The following LMBRD1 variants were observed in gnomAD, a reference collection of about 807,000 sequenced individuals.
The protein encoded by LMBRD1 is lysosomal cobalamin transport escort protein LMBD1.
A neutral mutation model predicts 74.8 loss-of-function variants in LMBRD1; 64 were observed. The ratio of observed to expected loss-of-function variants is 0.86; its 90% CI spans 0.70 to 1.05. LMBRD1 has a LOEUF of 1.05. Among genes scored for constraint, LMBRD1 ranks in the 50% least tolerant of loss-of-function variants. The pLI is 0.00. For synonymous variants in LMBRD1, 204 were observed against 216.3 expected, an observed-to-expected ratio of 0.94 and a Z score of 0.50; for missense variants, 652 against 645.9, an observed-to-expected ratio of 1.01 and a Z score of -0.10.
chr6:69,735,942 T>C (rs1387226188), intron 7 of LMBRD1, among the ~76,000 whole-genome samples: 1 of 152,232 alleles, frequency 6.6e-6, no homozygotes, highest in Non-Finnish European at 1.5e-5. Flanking sequence ...AGTATCTGAA[T>C]ATAGCATGTA....
intron 9 of LMBRD1, among the ~76,000 whole-genome samples, chr6:69,710,339 CA>C (rs1343607324): frequency 2.0e-5 from 3 of 151,920 alleles, no homozygotes; most frequent in Non-Finnish European, 4.4e-5. Flanking sequence ...TAAGTCATAC[CA>C]TAGCACAAAA....
chr6:69,695,351 C>G (rs891005596), intron 14 of LMBRD1, among the ~76,000 whole-genome samples: 4 of 151,906 alleles, frequency 2.6e-5, no homozygotes, highest in African/African-American at 9.7e-5. Flanking sequence ...TTCTCCATAC[C>G]TTCCTTATCA....
intron 5 of LMBRD1, among the ~76,000 whole-genome samples, chr6:69,744,304 T>C (rs1436236830): frequency 6.6e-6 from 1 of 152,208 alleles, no homozygotes; most frequent in African/African-American, 2.4e-5. Flanking sequence ...TGTTCCATTA[T>C]TGGAATACTA....
chr6:69,796,943 G>T lies in LMBRD1; in HGVS notation c.-62C>A. Reference sequence around the variant, plus strand: ...GTGGGGAAAGGGGAGGGGGAAAGGGGAGAGAGCGCGAGATATACTGCACCC... The same window carrying T: ...GTGGGGAAAGGGGAGGGGGAAAGGGTAGAGAGCGCGAGATATACTGCACCC... On this transcript the variant is annotated 5_prime_UTR_variant, in exon 1 of 16. Coordinates refer to ENST00000649934, the MANE Select transcript of LMBRD1 (RefSeq NM_018368.4). 1 of 1,396,894 alleles carries T rather than the reference G, an allele frequency of 7.2e-7. No individual in the cohort carries two copies. Among genetic ancestry groups the T allele is most frequent in the South Asian group, 1.2e-5 (1 of 83,712 alleles). The allele number at this position is 1,396,894 out of a possible 1,614,324, so 86.5% of individuals were successfully genotyped here.
intron 5 of LMBRD1, 89 bp from the exon 6 acceptor site, chr6:69,741,966 C>A: frequency 1.3e-6 from 1 of 787,338 alleles, no homozygotes. Flanking sequence ...TTCTCCAAAA[C>A]AATAAATAAA....
intron 4 of LMBRD1, among the ~76,000 whole-genome samples, chr6:69,751,527 A>C (rs1470617496): frequency 6.6e-6 from 1 of 152,154 alleles, no homozygotes; most frequent in Admixed American, 6.5e-5. Flanking sequence ...AGGTTTCGCC[A>C]TGTTGGCCAG....
intron 9 of LMBRD1, chr6:69,705,799 T>G (rs1420065431): frequency 1.4e-5 from 16 of 1,183,544 alleles, no homozygotes; most frequent in Middle Eastern, 5.3e-4. Flanking sequence ...GACTGCATCT[T>G]CCTCCACTGC....
At chr6:69,771,241 G>T (rs1765569863) in intron 3 of LMBRD1, among the ~76,000 whole-genome samples, 1 of 152,188 alleles carries the variant, frequency 6.6e-6, no homozygotes, top group Non-Finnish European at 1.5e-5. Context: ...GCTTGACTGG[G>T]GAAGAACCTG....
chr6:69,698,224 A>G (rs1034098148), intron 13 of LMBRD1, among the ~76,000 whole-genome samples: 2 of 151,988 alleles, frequency 1.3e-5, no homozygotes, highest in Non-Finnish European at 1.5e-5. Flanking sequence ...TTTAACACTC[A>G]CCAATATTAT....
chr6:69,781,203 C>T (rs1396749223), intron 2 of LMBRD1, among the ~76,000 whole-genome samples: 1 of 152,060 alleles, frequency 6.6e-6, no homozygotes, highest in African/African-American at 2.4e-5. Context: ...AAGGGTTGTT[C>T]GAATTACTAA....
chr6:69,738,052 A>G (rs753226541), intron 6 of LMBRD1, 37 bp from the exon 7 acceptor site: 1 of 1,396,226 alleles, frequency 7.2e-7, no homozygotes, highest in Admixed American at 1.7e-5. Context: ...ATGTACATAT[A>G]TACTACTCAA....
chr6:69,719,411 TA>T (rs1274445268), intron 7 of LMBRD1, among the ~76,000 whole-genome samples: 1 of 152,058 alleles, frequency 6.6e-6, no homozygotes, highest in Non-Finnish European at 1.5e-5. Context: ...TAAAAAAATT[TA>T]AAAAAATGAT....
At chr6:69,711,338 G>A (rs1292192259) in intron 9 of LMBRD1, among the ~76,000 whole-genome samples, 1 of 152,092 alleles carries the variant, frequency 6.6e-6, no homozygotes, top group Non-Finnish European at 1.5e-5. Flanking sequence ...GCAAGAGAGG[G>A]CATGAGGTAG....
At chr6:69,750,882 C>T (rs574579622) in intron 4 of LMBRD1, among the ~76,000 whole-genome samples, 10 of 152,110 alleles carry the variant, frequency 6.6e-5, no homozygotes, top group Admixed American at 2.6e-4. Flanking sequence ...TTACTTGCTC[C>T]TAATCTTAAT....
At chr6:69,705,350 A>G (rs1319770805) in intron 9 of LMBRD1, 2 of 791,876 alleles carry the variant, frequency 2.5e-6, no homozygotes, top group African/African-American at 3.4e-5. Context: ...TCCGGAAGCA[A>G]TTCTTCATAT....
At chr6:69,727,048 G>A (rs1766752310) in intron 7 of LMBRD1, among the ~76,000 whole-genome samples, 2 of 152,210 alleles carry the variant, frequency 1.3e-5, no homozygotes, top group South Asian at 2.1e-4. Flanking sequence ...CCAGCTACTC[G>A]GGAGGCTGAG....
chr6:69,696,941 T>C (rs1766015506), intron 14 of LMBRD1, among the ~76,000 whole-genome samples: 1 of 148,434 alleles, frequency 6.7e-6, no homozygotes, highest in African/African-American at 2.5e-5. Flanking sequence ...TTTGAAAGAA[T>C]AAATCAGGAA....
At chr6:69,760,223 G>A (rs2149882051) in intron 3 of LMBRD1, among the ~76,000 whole-genome samples, 1 of 152,200 alleles carries the variant, frequency 6.6e-6, no homozygotes, top group Non-Finnish European at 1.5e-5. Context: ...AAAACTAAAT[G>A]TCCACACTGA....
intron 6 of LMBRD1, among the ~76,000 whole-genome samples, chr6:69,740,047 A>G (rs1044745885): frequency 6.6e-6 from 1 of 152,222 alleles, no homozygotes; most frequent in East Asian, 1.9e-4. Flanking sequence ...CAGGGGTTGC[A>G]GTGAGCCACG....
Sources: gnomAD v4.1 joint callset for allele counts (sites outside exome capture counted in the v4.1 genomes callset) on GRCh38, gnomAD v4.1.1 for gene constraint, MANE v1.5 for transcripts, NCBI Gene and HGNC (gene_info 2026-07-23, HGNC 2026-07-21) for gene names.